Variants in CBR4 observed in about 807,000 individuals in gnomAD.
CBR4 encodes the protein 3-oxoacyl-[acyl-carrier-protein] reductase.
In CBR4, 22 loss-of-function variants were observed where a neutral mutation model predicts 21.0. The observed-to-expected ratio is 1.05, with a 90% CI of 0.75 to 1.50. CBR4 has a LOEUF of 1.50. Among genes scored for constraint, CBR4 ranks in the 40% most tolerant of loss-of-function variants. CBR4 has a pLI of 0.00. For synonymous variants in CBR4, 100 were observed against 104.4 expected (o/e 0.96, Z 0.26); for missense variants, 302 against 286.3 (o/e 1.05, Z -0.40).
chr4:169,008,611 T>C (rs1731120790), intron 1 of CBR4, among the ~76,000 whole-genome samples: 1 of 152,178 alleles, frequency 6.6e-6, no homozygotes, highest in Non-Finnish European at 1.5e-5. Flanking sequence ...GGAACACGAT[T>C]CAAAGGAATG....
intron 2 of CBR4, among the ~76,000 whole-genome samples, chr4:168,955,450 A>T (rs528305103): frequency 4.2e-4 from 64 of 152,308 alleles, no homozygotes; most frequent in African/African-American, 1.5e-3. Flanking sequence ...GGTTTTTGTG[A>T]TTAAAAGTAA....
At chr4:168,904,131 A>G in intron 2 of CBR4, 1 of 542,132 alleles carries the variant, frequency 1.8e-6, no homozygotes, top group Non-Finnish European at 3.3e-6. Flanking sequence ...CACAAATATT[A>G]TTAAGGGTCT....
intron 2 of CBR4, among the ~76,000 whole-genome samples, chr4:168,968,239 T>C (rs1305322828): frequency 6.6e-6 from 1 of 152,220 alleles, no homozygotes; most frequent in African/African-American, 2.4e-5. Flanking sequence ...GTTTATCATG[T>C]AAATTATGGT....
chr4:169,006,528 A>G (rs1223785333), intron 3 of CBR4, among the ~76,000 whole-genome samples: 1 of 152,084 alleles, frequency 6.6e-6, no homozygotes, highest in Non-Finnish European at 1.5e-5. Context: ...TGGTACTGTC[A>G]TTTTTCTAGT....
At chr4:168,916,183 C>T (rs769167363) in intron 2 of CBR4, among the ~76,000 whole-genome samples, 2 of 152,116 alleles carry the variant, frequency 1.3e-5, no homozygotes, top group South Asian at 2.1e-4. Flanking sequence ...AGTCCAAAGC[C>T]GGGCAGATCG....
At chr4:168,957,950 G>T (rs1394833414) in intron 2 of CBR4, among the ~76,000 whole-genome samples, 1 of 152,126 alleles carries the variant, frequency 6.6e-6, no homozygotes, top group Non-Finnish European at 1.5e-5. Context: ...TGTGAAGAAG[G>T]ACATGCTTGC....
chr4:169,007,057 AAAT>A (rs1420355951), intron 2 of CBR4, among the ~76,000 whole-genome samples, 166 bp from the exon 3 acceptor site: 1 of 152,200 alleles, frequency 6.6e-6, no homozygotes, highest in Non-Finnish European at 1.5e-5. Flanking sequence ...AGAAACATTA[AAAT>A]AACAATTGAT....
chr4:169,006,204 CT>C (rs1157766364), intron 3 of CBR4, among the ~76,000 whole-genome samples: 1 of 152,108 alleles, frequency 6.6e-6, no homozygotes, highest in Non-Finnish European at 1.5e-5. Context: ...ACTTTAATTC[CT>C]TGTCCATGTT....
chr4:168,910,758 C>A (rs186567070), intron 2 of CBR4, among the ~76,000 whole-genome samples: 1 of 152,126 alleles, frequency 6.6e-6, no homozygotes, highest in Non-Finnish European at 1.5e-5. Flanking sequence ...GACAGCAGAA[C>A]TGGTTTACAA....
chr4:168,957,089 T>C (rs1311547956), intron 2 of CBR4, among the ~76,000 whole-genome samples: 1 of 152,164 alleles, frequency 6.6e-6, no homozygotes, highest in Non-Finnish European at 1.5e-5. Flanking sequence ...GCTAAAGTGA[T>C]TTAAAGATGA....
intron 2 of CBR4, among the ~76,000 whole-genome samples, chr4:168,950,593 T>C (rs1422786391): frequency 6.6e-6 from 1 of 152,232 alleles, no homozygotes; most frequent in Non-Finnish European, 1.5e-5. Context: ...GTTCTGTATA[T>C]ATCTATTAAG....
At chr4:168,933,441 T>C (rs182183590) in intron 2 of CBR4, among the ~76,000 whole-genome samples, 253 of 152,044 alleles carry the variant, frequency 1.7e-3, no homozygotes, top group African/African-American at 5.8e-3. Flanking sequence ...ATAATAAAGG[T>C]ATCAATTCAG....
chr4:168,954,878 T>A (rs955430849), intron 2 of CBR4, among the ~76,000 whole-genome samples: 1 of 152,186 alleles, frequency 6.6e-6, no homozygotes, highest in Non-Finnish European at 1.5e-5. Flanking sequence ...CCAGGAAATA[T>A]TTATTCAAGA....
chr4:168,998,811 T>C (rs1730150349), intron 4 of CBR4, among the ~76,000 whole-genome samples: 1 of 152,178 alleles, frequency 6.6e-6, no homozygotes, highest in Non-Finnish European at 1.5e-5. Flanking sequence ...GTGAATTGCA[T>C]GATACAATTT....
chr4:168,905,212 G>A (rs1199035063), intron 2 of CBR4, among the ~76,000 whole-genome samples: 5 of 138,092 alleles, frequency 3.6e-5, no homozygotes, highest in Non-Finnish European at 7.7e-5. Flanking sequence ...ATGCAGTGGC[G>A]CGATCTCGGC....
chr4:169,009,916 A>G (rs550312437), intron 1 of CBR4, 32 bp downstream of exon 1: 2 of 1,594,268 alleles, frequency 1.3e-6, no homozygotes, highest in Admixed American at 3.6e-5. Context: ...GACCGCGGCC[A>G]TACAACTGGA....
chr4:168,927,635 T>G, intron 2 of CBR4: 1 of 227,226 alleles, frequency 4.4e-6, no homozygotes, highest in Non-Finnish European at 8.8e-6. Context: ...TGAAAATTAT[T>G]AGTTCACTTC....
intron 4 of CBR4, chr4:169,001,103 G>T (rs1489094600): frequency 6.6e-6 from 1 of 151,398 alleles, no homozygotes. Flanking sequence ...TCCTGCTTCA[G>T]CCTCCCAAAT....
chr4:168,909,694 A>G (rs1197174412), intron 2 of CBR4, among the ~76,000 whole-genome samples: 1 of 152,220 alleles, frequency 6.6e-6, no homozygotes, highest in East Asian at 1.9e-4. Context: ...AATGTGCATC[A>G]GAGCCTACTA....
Sources: gnomAD v4.1 joint callset for allele counts (sites outside exome capture counted in the v4.1 genomes callset) on GRCh38, gnomAD v4.1.1 for gene constraint, MANE v1.5 for transcripts, NCBI Gene and HGNC (gene_info 2026-07-23, HGNC 2026-07-21) for gene names.